NOL10: variants seen among roughly 807,000 people sequenced by gnomAD.
NOL10 encodes H_NH0074G24.1.
Under a neutral mutation model 103.5 loss-of-function variants are expected in NOL10, and 58 were observed. The observed-to-expected ratio is 0.56, with a 90% CI of 0.45 to 0.70. The LOEUF is 0.70. NOL10 is among the 30% of genes least tolerant of loss of function. The probability of loss-of-function intolerance (pLI) is 0.00; values close to 1 mark genes in which losing one functional copy is unlikely to be tolerated. For synonymous variants in NOL10, 287 were observed against 282.5 expected, an observed-to-expected ratio of 1.02 and a Z score of -0.16; for missense variants, 763 against 807.3, an observed-to-expected ratio of 0.95 and a Z score of 0.67.
chr2:10,624,946 GA>G (rs1677368418), intron 13 of NOL10, among the ~76,000 whole-genome samples: 1 of 152,126 alleles, frequency 6.6e-6, no homozygotes, highest in African/African-American at 2.4e-5. Flanking sequence ...AGCGATAAAG[GA>G]AAATGAGCTA....
chr2:10,660,165 C>T (rs1680103217), intron 9 of NOL10, among the ~76,000 whole-genome samples: 1 of 152,184 alleles, frequency 6.6e-6, no homozygotes, highest in South Asian at 2.1e-4. Flanking sequence ...TCTTCTGCCA[C>T]CTAGAGCTTG....
intron 20 of NOL10, among the ~76,000 whole-genome samples, chr2:10,572,553 T>G (rs1281622710): frequency 6.6e-6 from 1 of 152,238 alleles, no homozygotes. Context: ...AAGAGCCACC[T>G]TAAGAAGATG....
intron 13 of NOL10, among the ~76,000 whole-genome samples, chr2:10,611,677 A>G (rs989821270): frequency 1.3e-5 from 2 of 152,170 alleles, no homozygotes; most frequent in Admixed American, 1.3e-4. Flanking sequence ...GCACTTTGGG[A>G]GGCTGAGGTG....
At chr2:10,634,727 C>T (rs1678084636) in intron 13 of NOL10, among the ~76,000 whole-genome samples, 1 of 152,100 alleles carries the variant, frequency 6.6e-6, no homozygotes, top group Admixed American at 6.5e-5. Context: ...GAGGCAAGAT[C>T]CGAAGTCTAG....
At chr2:10,642,483 C>T (rs556372336) in intron 13 of NOL10, among the ~76,000 whole-genome samples, 7 of 152,112 alleles carry the variant, frequency 4.6e-5, no homozygotes, top group African/African-American at 1.2e-4. Context: ...CCTATCCCCC[C>T]GCTTACAACT....
chr2:10,681,010 T>C (rs541725764), intron 3 of NOL10, among the ~76,000 whole-genome samples: 13 of 152,310 alleles, frequency 8.5e-5, no homozygotes, highest in African/African-American at 2.9e-4. Flanking sequence ...TCATTGTTAG[T>C]AGGAGTGCAA....
At chr2:10,685,914 C>CCTCTACGTTTACTCCCCTGGTG (rs1682166449) in intron 1 of NOL10, among the ~76,000 whole-genome samples, 1 of 92,660 alleles carries the variant, frequency 1.1e-5, no homozygotes, top group Non-Finnish European at 3.1e-5. Context: ...AAAAAAAAAG[C>CCTCTACGTTTACTCCCCTGGTG]AGCTGGGCAT....
chr2:10,602,955 C>T, intron 15 of NOL10, 81 bp from the exon 16 acceptor site: 1 of 1,245,328 alleles, frequency 8.0e-7, no homozygotes, highest in Non-Finnish European at 1.2e-6. Flanking sequence ...GACAGTTATG[C>T]CAAAGAACAG....
intron 17 of NOL10, among the ~76,000 whole-genome samples, chr2:10,592,124 T>A (rs35364825): frequency 0.2 from 29,996 of 152,054 alleles, 3,761 homozygotes; most frequent in East Asian, 0.43. Flanking sequence ...GAAGCCATTT[T>A]AAGAAACTGG....
intron 13 of NOL10, among the ~76,000 whole-genome samples, chr2:10,622,712 A>T (rs972034065): frequency 2.0e-5 from 3 of 152,206 alleles, no homozygotes; most frequent in Non-Finnish European, 4.4e-5. Context: ...TTCAAAGTGT[A>T]GATAATAAAG....
At position 10,675,868 on chromosome 2, in the gene NOL10, G is replaced by A; in HGVS notation, c.215C>T (p.Thr72Ile). The A allele has an allele frequency of 7.1e-6, 11 of 1,552,616 alleles. No homozygotes were observed. Among genetic ancestry groups the A allele is most frequent in the Non-Finnish European group, 8.8e-6 (10 of 1,141,676 alleles). ...ATAACATCGAACCCGAGGTTTATATGTTCCTACAAAAAATTAATGTGATGT... is the reference window on the plus strand; with the variant it reads ...ATAACATCGAACCCGAGGTTTATATATTCCTACAAAAAATTAATGTGATGT... ...KDGQYILATG[T>I]YKPRVRCYDT... Residue 72 changes from threonine (T) to isoleucine (I), a missense_variant, in exon 4 of 21, where the codon ACA becomes ATA. Transcript: ENST00000381685.
At chr2:10,674,832 G>A (rs1303142929) in intron 4 of NOL10, among the ~76,000 whole-genome samples, 6 of 142,952 alleles carry the variant, frequency 4.2e-5, no homozygotes, top group African/African-American at 7.5e-5. Context: ...GCAAGACTCC[G>A]TCTCCAAAAA....
intron 17 of NOL10, among the ~76,000 whole-genome samples, chr2:10,592,608 A>G (rs1372880613): frequency 6.6e-6 from 1 of 152,260 alleles, no homozygotes; most frequent in African/African-American, 2.4e-5. Context: ...TCAGGTTAAA[A>G]AAACCCAAGG....
intron 9 of NOL10, 88 bp from the exon 10 acceptor site, chr2:10,659,338 TAATGGG>T: frequency 5.8e-6 from 1 of 171,726 alleles, no homozygotes; most frequent in Non-Finnish European, 1.3e-5. Context: ...ACTTCAAATC[TAATGGG>T]GGGGGGGGGG....
intron 3 of NOL10, among the ~76,000 whole-genome samples, chr2:10,677,869 G>GTATA (rs1491277185): frequency 1.6e-4 from 23 of 140,564 alleles, no homozygotes; most frequent in African/African-American, 5.8e-4. Context: ...GTGTGTGTGT[G>GTATA]TGTATACACA....
At chr2:10,639,250 G>A (rs946677102) in intron 13 of NOL10, among the ~76,000 whole-genome samples, 3 of 152,190 alleles carry the variant, frequency 2.0e-5, no homozygotes, top group Middle Eastern at 3.4e-3. Flanking sequence ...GTGAAATCCC[G>A]TCTCTACTAA....
At chr2:10,593,416 C>T (rs1184219528) in intron 17 of NOL10, among the ~76,000 whole-genome samples, 5 of 152,144 alleles carry the variant, frequency 3.3e-5, no homozygotes, top group Admixed American at 2.0e-4. Flanking sequence ...GGATTACAGG[C>T]GTGAGCCACT....
At chr2:10,689,686 T>G (rs1572463859) in intron 1 of NOL10, 110 bp downstream of exon 1, 1 of 1,092,740 alleles carries the variant, frequency 9.2e-7, no homozygotes. Flanking sequence ...AGTCGGGGGG[T>G]GACCAGCGTC....
At chr2:10,662,134 A>C (rs1038533053) in intron 9 of NOL10, among the ~76,000 whole-genome samples, 1 of 152,236 alleles carries the variant, frequency 6.6e-6, no homozygotes, top group Non-Finnish European at 1.5e-5. Flanking sequence ...GCCATTGACG[A>C]ATATTTTTTT....
Sources: gnomAD v4.1 joint callset for allele counts (sites outside exome capture counted in the v4.1 genomes callset) on GRCh38, gnomAD v4.1.1 for gene constraint, MANE v1.5 for transcripts, NCBI Gene and HGNC (gene_info 2026-07-23, HGNC 2026-07-21) for gene names.